Variants in CTNNA3 observed in about 807,000 individuals in gnomAD.
The protein encoded by CTNNA3 is catenin alpha-3.
Under a neutral mutation model 95.7 loss-of-function variants are expected in CTNNA3, and 76 were observed. The observed-to-expected ratio is 0.79, with a 90% confidence interval of 0.66 to 0.96. The LOEUF (loss-of-function observed/expected upper bound fraction) is 0.96, where lower values mean the gene tolerates loss of function less well. CTNNA3 is among the 40% of genes least tolerant of loss of function. The probability of loss-of-function intolerance (pLI) is 0.00; values close to 1 mark genes in which losing one functional copy is unlikely to be tolerated. For synonymous variants in CTNNA3, 431 were observed against 374.4 expected, an observed-to-expected ratio of 1.15 and a Z score of -1.74; for missense variants, 1,191 against 1,089.8, an observed-to-expected ratio of 1.09 and a Z score of -1.31.
chr10:66,914,567 A>G (rs1003166467), intron 7 of CTNNA3, among the ~76,000 whole-genome samples: 24 of 151,980 alleles, frequency 1.6e-4, no homozygotes, highest in Non-Finnish European at 3.2e-4. Flanking sequence ...AACTGCAAAT[A>G]ATATCCTCAC....
intron 9 of CTNNA3, 169 bp downstream of exon 9, chr10:66,766,095 G>A (rs769286280): frequency 4.3e-5 from 23 of 532,414 alleles, no homozygotes; most frequent in Non-Finnish European, 7.0e-5. Context: ...AGCCAATGTG[G>A]AGTGATCTAT....
intron 15 of CTNNA3, among the ~76,000 whole-genome samples, chr10:66,019,388 T>G (rs996549072): frequency 6.6e-6 from 1 of 152,174 alleles, no homozygotes; most frequent in Admixed American, 6.5e-5. Context: ...GTTGTCAACC[T>G]ATCTTTCGCT....
intron 15 of CTNNA3, among the ~76,000 whole-genome samples, chr10:66,001,718 A>G (rs559616842): frequency 6.6e-6 from 1 of 152,130 alleles, no homozygotes; most frequent in Non-Finnish European, 1.5e-5. Context: ...TTTTATAAAA[A>G]TCTACCTTTT....
intron 5 of CTNNA3, among the ~76,000 whole-genome samples, chr10:67,255,443 A>T (rs1008950523): frequency 3.9e-5 from 6 of 152,184 alleles, no homozygotes; most frequent in African/African-American, 1.4e-4. Context: ...GATTCCAACA[A>T]TCCTGAGACC....
At chr10:66,885,416 C>G (rs1298618650) in intron 7 of CTNNA3, among the ~76,000 whole-genome samples, 1 of 151,322 alleles carries the variant, frequency 6.6e-6, no homozygotes, top group Non-Finnish European at 1.5e-5. Context: ...TCTTAATGAG[C>G]AACCATATCC....
intron 9 of CTNNA3, among the ~76,000 whole-genome samples, chr10:66,744,662 T>C (rs1035377861): frequency 6.6e-6 from 1 of 152,214 alleles, no homozygotes; most frequent in Non-Finnish European, 1.5e-5. Flanking sequence ...AATGTTATTA[T>C]ATAATTGGCT....
intron 14 of CTNNA3, chr10:66,084,762 T>C (rs1168899151): frequency 6.6e-6 from 1 of 152,112 alleles, no homozygotes; most frequent in Non-Finnish European, 1.5e-5. Flanking sequence ...AAAAATAAAA[T>C]TGTTCGGGTC....
chr10:66,160,864 T>C (rs2084806661), intron 13 of CTNNA3, among the ~76,000 whole-genome samples: 1 of 152,158 alleles, frequency 6.6e-6, no homozygotes, highest in African/African-American at 2.4e-5. Context: ...GGAGCTCCAA[T>C]GTTAGGTGCA....
intron 7 of CTNNA3, among the ~76,000 whole-genome samples, chr10:67,064,196 A>G (rs767169130): frequency 3.3e-5 from 5 of 152,116 alleles, no homozygotes; most frequent in African/African-American, 4.8e-5. Flanking sequence ...GAACATTTGA[A>G]TTGTTAAAAT....
At chr10:66,839,033 TA>T (rs11288347) in intron 7 of CTNNA3, among the ~76,000 whole-genome samples, 129,578 of 150,380 alleles carry the variant, frequency 0.86, 56,147 homozygotes, top group African/African-American at 0.95. Flanking sequence ...TTCATACTTA[TA>T]AAAAAAAAAA....
At chr10:66,326,775 C>T (rs1340574015) in intron 12 of CTNNA3, among the ~76,000 whole-genome samples, 1 of 151,942 alleles carries the variant, frequency 6.6e-6, no homozygotes, top group East Asian at 1.9e-4. Flanking sequence ...ATCATAGTCT[C>T]TAGTATCTTC....
intron 11 of CTNNA3, among the ~76,000 whole-genome samples, chr10:66,518,356 T>A (rs189086827): frequency 6.6e-6 from 1 of 152,266 alleles, no homozygotes; most frequent in East Asian, 1.9e-4. Context: ...ATTCTCCCTA[T>A]GTGCTGTCAG....
intron 7 of CTNNA3, among the ~76,000 whole-genome samples, chr10:67,152,961 C>A (rs1180095309): frequency 2.0e-5 from 3 of 152,030 alleles, no homozygotes; most frequent in African/African-American, 7.2e-5. Context: ...ACACTACATA[C>A]TAAAATCGCC....
chr10:67,151,063 C>G (rs1861067250), intron 7 of CTNNA3, among the ~76,000 whole-genome samples: 1 of 152,146 alleles, frequency 6.6e-6, no homozygotes, highest in Admixed American at 6.5e-5. Flanking sequence ...GCTGTCTTCA[C>G]ACAGATACTT....
intron 10 of CTNNA3, among the ~76,000 whole-genome samples, chr10:66,530,000 T>G (rs1160922655): frequency 6.6e-6 from 1 of 152,198 alleles, no homozygotes; most frequent in Non-Finnish European, 1.5e-5. Context: ...TCTTCAGATT[T>G]TAACATTTGA....
chr10:66,975,941 A>C (rs557714901), intron 7 of CTNNA3, among the ~76,000 whole-genome samples: 1 of 152,318 alleles, frequency 6.6e-6, no homozygotes, highest in Admixed American at 6.5e-5. Flanking sequence ...CTAAAGCATA[A>C]ATTATAGACC....
At chr10:66,218,059 A>C (rs2088668684) in intron 13 of CTNNA3, among the ~76,000 whole-genome samples, 1 of 152,212 alleles carries the variant, frequency 6.6e-6, no homozygotes, top group Non-Finnish European at 1.5e-5. Flanking sequence ...TCAATCTGTG[A>C]GGCAGGAGAC....
rs192968639 is a variant in CTNNA3 at position 67,522,271 on chromosome 10, T to G, written c.460-310A>C. ...CATCTTTTAGGATATACTTCTGCTT[T>G]AAAATTTTTTAGAAAGCACTGTGAA... On this transcript the variant is annotated intron_variant, in intron 4 of 17. Coordinates refer to ENST00000433211, the MANE Select transcript of CTNNA3 (RefSeq NM_013266.4). 7.2e-5 allele frequency among the ~76,000 whole-genome samples: 11 copies of G among 152,346 alleles called. No individual in the cohort carries two copies. In the East Asian group the frequency reaches 2.1e-3, roughly 29 times the overall value.
At chr10:67,328,161 T>A (rs754733567) in intron 5 of CTNNA3, among the ~76,000 whole-genome samples, 1 of 151,416 alleles carries the variant, frequency 6.6e-6, no homozygotes, top group South Asian at 2.1e-4. Flanking sequence ...ATGTGGGGAG[T>A]TGCCTTAGGC....
Sources: gnomAD v4.1 joint callset for allele counts (sites outside exome capture counted in the v4.1 genomes callset) on GRCh38, gnomAD v4.1.1 for gene constraint, MANE v1.5 for transcripts, NCBI Gene and HGNC (gene_info 2026-07-23, HGNC 2026-07-21) for gene names.